The following PCDH15 variants were observed in gnomAD, a reference collection of about 807,000 sequenced individuals.
PCDH15 encodes protocadherin related 15.
A neutral mutation model predicts 178.5 loss-of-function variants in PCDH15; 129 were observed. The observed-to-expected ratio is 0.72, with a 90% CI of 0.63 to 0.84. PCDH15 has a LOEUF of 0.84. PCDH15 is among the 40% of genes least tolerant of loss of function. The pLI, the probability that PCDH15 is intolerant of heterozygous loss-of-function variation, is 0.00. For synonymous variants in PCDH15, 800 were observed against 732.0 expected (o/e 1.09, Z -1.50); for missense variants, 2,230 against 2,099.9 (o/e 1.06, Z -1.21).
intron 2 of PCDH15, among the ~76,000 whole-genome samples, chr10:55,359,745 T>TACAC (rs1274312555): frequency 2.9e-4 from 38 of 131,750 alleles, no homozygotes; most frequent in African/African-American, 1.1e-3. Context: ...TATATATATA[T>TACAC]ATACACACAC....
chr10:54,608,820 G>C (rs1376881598), intron 2 of PCDH15, among the ~76,000 whole-genome samples: 1 of 150,982 alleles, frequency 6.6e-6, no homozygotes, highest in East Asian at 1.9e-4. Context: ...ATTAAAAAAA[G>C]AAGAAGAAGA....
intron 1 of PCDH15, among the ~76,000 whole-genome samples, chr10:55,312,282 C>T (rs561380396): frequency 6.6e-6 from 1 of 151,928 alleles, no homozygotes; most frequent in Admixed American, 6.6e-5. Context: ...GTAAAAAATG[C>T]TATATGAATG....
Position 55,177,873 on chromosome 10 carries a change from T to C in PCDH15, c.-155-11222A>G, listed in dbSNP as rs574613954. Among the ~76,000 whole-genome samples, 93 of 152,132 alleles carry C rather than the reference T, an allele frequency of 6.1e-4. 1 individual carries two copies. In the Middle Eastern group the frequency reaches 0.02, roughly 33 times the overall value. On this transcript the variant is annotated intron_variant, in intron 1 of 5. Transcript: ENST00000458638. ...TTGGACTCTTTTTACAGACGGATTT[T>C]TTTTATAGAACAAGAGATCCATAAA... is the stretch of plus-strand genomic sequence containing the variant.
At chr10:55,009,100 C>T (rs560205227) in intron 2 of PCDH15, among the ~76,000 whole-genome samples, 3 of 152,244 alleles carry the variant, frequency 2.0e-5, no homozygotes, top group African/African-American at 7.2e-5. Flanking sequence ...ACACATAAAA[C>T]AAAGCCTTCT....
chr10:53,810,254 A>AAAAT (rs1564513796), intron 37 of PCDH15, among the ~76,000 whole-genome samples: 1 of 152,156 alleles, frequency 6.6e-6, no homozygotes, highest in East Asian at 1.9e-4. Flanking sequence ...GCAGAACTTT[A>AAAAT]AAATATATTT....
chr10:55,350,254 TATATATATATATATACACACAC>T (rs1844881742), intron 2 of PCDH15, among the ~76,000 whole-genome samples: 1 of 66,086 alleles, frequency 1.5e-5, no homozygotes, highest in African/African-American at 7.2e-5. Flanking sequence ...TATATATATA[TATATATATATATATACACACAC>T]ACACACACAC....
chr10:54,396,404 A>G (rs1342559330), intron 3 of PCDH15, among the ~76,000 whole-genome samples: 1 of 152,124 alleles, frequency 6.6e-6, no homozygotes, highest in Non-Finnish European at 1.5e-5. Flanking sequence ...AATACACGTC[A>G]ATAAACTTCT....
At chr10:53,962,000 C>CGTGACAGAGCGAGACTCCGTCTCAAA in intron 21 of PCDH15, 108 bp from the exon 22 acceptor site, 1 of 885,322 alleles carries the variant, frequency 1.1e-6, no homozygotes, top group East Asian at 2.7e-5. Context: ...AAGTGAAAAT[C>CGTGACAGAGCGAGACTCCGTCTCAAA]ATATTTCCAT....
chr10:55,615,199 G>A (rs1589188331), intron 2 of PCDH15, among the ~76,000 whole-genome samples: 1 of 148,852 alleles, frequency 6.7e-6, no homozygotes, highest in East Asian at 1.9e-4. Context: ...ATTAAGAACA[G>A]TGACTATAAT....
At chr10:54,135,979 CA>C (rs2042870396) in intron 14 of PCDH15, among the ~76,000 whole-genome samples, 1 of 152,074 alleles carries the variant, frequency 6.6e-6, no homozygotes, top group African/African-American at 2.4e-5. Flanking sequence ...ATAAATTACT[CA>C]AAATAAGGCT....
chr10:54,090,623 A>G (rs934376946), intron 15 of PCDH15, among the ~76,000 whole-genome samples: 2 of 146,586 alleles, frequency 1.4e-5, no homozygotes, highest in South Asian at 2.2e-4. Context: ...CAGCCTGGGC[A>G]ACAGAGCAAG....
Position 53,806,657 on chromosome 10 carries a change from A to C in PCDH15, c.5145T>G (p.Ser1715Arg), listed in dbSNP as rs764739250. 1.2e-6 allele frequency: 2 copies of C among 1,613,846 alleles called. No homozygotes were observed. The highest frequency in any genetic ancestry group is 1.7e-6 in the Non-Finnish European group (2 of 1,179,772). ...KNIKEALEFH[S>R]DHTQSDDEEL... is the part of the protein sequence containing the mutation. ...CTTCATCATCAGACTGTGTGTGGTC[A>C]CTATGAAATTCCAAAGCCTCCTTGA... is the stretch of plus-strand genomic sequence containing the variant. Residue 1715 changes from serine to arginine, a missense_variant, in exon 38 of 38, where the codon AGT becomes AGG. Physicochemically the swap from Ser to Arg is moderately radical, Grantham distance 110. Transcript: ENST00000644397.
At chr10:53,871,403 A>C (rs939163997) in intron 26 of PCDH15, among the ~76,000 whole-genome samples, 1 of 151,910 alleles carries the variant, frequency 6.6e-6, no homozygotes, top group African/African-American at 2.4e-5. Context: ...ATAAGATAAA[A>C]ATAAGGATGC....
chr10:54,766,457 TTA>T (rs1948520640), intron 1 of PCDH15, among the ~76,000 whole-genome samples: 1 of 151,996 alleles, frequency 6.6e-6, no homozygotes, highest in Non-Finnish European at 1.5e-5. Context: ...ATTAGTTAAT[TTA>T]TATATCATTA....
At chr10:54,837,771 G>A (rs150806919) in intron 3 of PCDH15, among the ~76,000 whole-genome samples, 1,576 of 152,168 alleles carry the variant, frequency 0.01, 29 homozygotes, top group African/African-American at 0.036. Context: ...CTTTGGAATC[G>A]AGATACAAGG....
intron 25 of PCDH15, among the ~76,000 whole-genome samples, chr10:53,919,746 C>G (rs1213753566): frequency 6.6e-6 from 1 of 151,982 alleles, no homozygotes; most frequent in East Asian, 1.9e-4. Context: ...GAGTGGGGAG[C>G]AAGGCGGTTT....
At chr10:54,300,740 A>T (rs757952989) in intron 8 of PCDH15, among the ~76,000 whole-genome samples, 10 of 152,130 alleles carry the variant, frequency 6.6e-5, no homozygotes, top group Non-Finnish European at 1.5e-4. Context: ...TTGTAAACAC[A>T]CCAATCAGCA....
chr10:55,576,273 T>G (rs1405834876), intron 2 of PCDH15, among the ~76,000 whole-genome samples: 1 of 152,172 alleles, frequency 6.6e-6, no homozygotes, highest in African/African-American at 2.4e-5. Flanking sequence ...AAGTAAATCA[T>G]AAGGAAGAGA....
In PCDH15 at chr10:53,804,076, T is replaced by A. The variant is rs1303782241; in HGVS notation, c.*2503A>T. ...AAGTAACTATTTAATTGATCCAGAT[T>A]TATTTAGTTAGTAATAATTTTGCTG... is the stretch of plus-strand genomic sequence containing the variant. On this transcript the variant is annotated 3_prime_UTR_variant, in exon 38 of 38. Coordinates refer to ENST00000644397, the MANE Select transcript of PCDH15 (RefSeq NM_001384140.1). 5.3e-5 allele frequency: 8 copies of A among 151,946 alleles called. No homozygotes were observed. The highest frequency in any genetic ancestry group is 1.7e-4 in the African/African-American group (7 of 41,420). The allele number at this position is 151,946 out of a possible 1,614,324, so 9.4% of individuals were successfully genotyped here. A position where few individuals can be genotyped will look rare whatever the true frequency, so the allele number is the denominator to read the frequency against.
Sources: allele counts gnomAD v4.1 joint callset (sites outside exome capture counted in the v4.1 genomes callset), GRCh38; gene constraint gnomAD v4.1.1; transcripts MANE v1.5; gene names NCBI Gene and HGNC (gene_info 2026-07-23, HGNC 2026-07-21).